The following ENTREP2 variants were observed in gnomAD, a reference collection of about 807,000 sequenced individuals.
ENTREP2 encodes the protein protein ENTREP2.
At chr15:29,460,928 T>C in the ENTREP2 span, among the ~76,000 whole-genome samples, 2 of 152,286 alleles carry the variant, frequency 1.3e-5, no homozygotes, top group African/African-American at 4.8e-5. Context: ...TGATTCAGCT[T>C]TACAGTTATC....
chr15:29,602,451 AG>A, the ENTREP2 span, among the ~76,000 whole-genome samples: 1 of 152,206 alleles, frequency 6.6e-6, no homozygotes, highest in African/African-American at 2.4e-5. Context: ...ACCTATGGTA[AG>A]GATATAATCA....
chr15:29,408,281 G>C, the ENTREP2 span, among the ~76,000 whole-genome samples: 1 of 152,134 alleles, frequency 6.6e-6, no homozygotes, highest in Admixed American at 6.5e-5. Context: ...ATGACATCCT[G>C]GGGAGCAGCA....
the ENTREP2 span, among the ~76,000 whole-genome samples, chr15:29,196,085 C>T: frequency 1.3e-5 from 2 of 151,806 alleles, no homozygotes; most frequent in Admixed American, 1.3e-4. Context: ...AAAATAAATC[C>T]CCATTTGTTC....
At chr15:29,622,471 G>A in the ENTREP2 span, among the ~76,000 whole-genome samples, 1 of 152,122 alleles carries the variant, frequency 6.6e-6, no homozygotes, top group Non-Finnish European at 1.5e-5. Flanking sequence ...GCCTCCCAAA[G>A]TGCTAAGATT....
chr15:29,376,002 A>G, the ENTREP2 span: 1 of 152,166 alleles, frequency 6.6e-6, no homozygotes, highest in Non-Finnish European at 1.5e-5. Context: ...GTAATATAAA[A>G]TGCAAACAAT....
chr15:29,655,405 G>A, the ENTREP2 span, among the ~76,000 whole-genome samples: 1 of 152,300 alleles, frequency 6.6e-6, no homozygotes, highest in East Asian at 1.9e-4. Flanking sequence ...ACTAGCAGAA[G>A]AGGATGTGCT....
the ENTREP2 span, among the ~76,000 whole-genome samples, chr15:29,600,174 C>A: frequency 6.6e-6 from 1 of 152,198 alleles, no homozygotes; most frequent in South Asian, 2.1e-4. Context: ...GTAATCTGAG[C>A]ATGCATGGCT....
chr15:29,145,487 G>A, the ENTREP2 span, among the ~76,000 whole-genome samples: 1 of 152,060 alleles, frequency 6.6e-6, no homozygotes, highest in East Asian at 1.9e-4. Flanking sequence ...GCCAGGTGTG[G>A]TGGCGGGCGC....
At chr15:29,410,073 C>T in the ENTREP2 span, among the ~76,000 whole-genome samples, 2 of 152,286 alleles carry the variant, frequency 1.3e-5, no homozygotes, top group East Asian at 1.9e-4. Flanking sequence ...GCAGATGCTG[C>T]GTGCCTGCCC....
the ENTREP2 span, among the ~76,000 whole-genome samples, chr15:29,128,383 C>CGCCCA: frequency 6.6e-6 from 1 of 152,250 alleles, no homozygotes; most frequent in African/African-American, 2.4e-5. Context: ...TCCTGCCAGC[C>CGCCCA]GCCCAGCCCA....
the ENTREP2 span, among the ~76,000 whole-genome samples, chr15:29,287,042 C>A: frequency 3.3e-5 from 5 of 152,198 alleles, no homozygotes; most frequent in African/African-American, 4.8e-5. Context: ...CAAGATGGCA[C>A]CAGCCCATTC....
chr15:29,662,871 C>A, the ENTREP2 span, among the ~76,000 whole-genome samples: 1 of 152,084 alleles, frequency 6.6e-6, no homozygotes. Context: ...CAGGCATGCA[C>A]CACCACGCCT....
chr15:29,625,129 AAAACC>A, the ENTREP2 span, among the ~76,000 whole-genome samples: 4 of 152,134 alleles, frequency 2.6e-5, no homozygotes, highest in African/African-American at 9.7e-5. Flanking sequence ...ATTTTTTAAA[AAAACC>A]ATTTCAAATT....
the ENTREP2 span, among the ~76,000 whole-genome samples, chr15:29,330,196 T>C: frequency 6.6e-6 from 1 of 151,546 alleles, no homozygotes; most frequent in Non-Finnish European, 1.5e-5. Context: ...CCCAGCACTT[T>C]GGGAGGCCAA....
At chr15:29,135,624 C>T in the ENTREP2 span, among the ~76,000 whole-genome samples, 1 of 152,190 alleles carries the variant, frequency 6.6e-6, no homozygotes, top group African/African-American at 2.4e-5. The surrounding 1 kb of genome is among the most constrained non-coding windows in gnomAD (Gnocchi z 7.4). Flanking sequence ...CGGACAACAT[C>T]CCATTTCGTC....
chr15:29,597,832 T>C, the ENTREP2 span, among the ~76,000 whole-genome samples: 1 of 151,786 alleles, frequency 6.6e-6, no homozygotes, highest in African/African-American at 2.4e-5. Flanking sequence ...ATAGTAAGAC[T>C]ATGTTTAGGC....
the ENTREP2 span, among the ~76,000 whole-genome samples, chr15:29,422,438 A>G: frequency 6.6e-6 from 1 of 152,124 alleles, no homozygotes; most frequent in Non-Finnish European, 1.5e-5. Flanking sequence ...TGAATTACAG[A>G]GCAGAAAGAA....
At chr15:29,223,922 G>A in the ENTREP2 span, among the ~76,000 whole-genome samples, 1 of 152,152 alleles carries the variant, frequency 6.6e-6, no homozygotes, top group African/African-American at 2.4e-5. Context: ...TCTGAAGCTT[G>A]CCCGCCCCCA....
the ENTREP2 span, among the ~76,000 whole-genome samples, chr15:29,557,132 C>A: frequency 6.6e-6 from 1 of 151,988 alleles, no homozygotes; most frequent in African/African-American, 2.4e-5. Flanking sequence ...TCTAGAACAG[C>A]CCCTCACCAG....
Sources: allele counts gnomAD v4.1 joint callset (sites outside exome capture counted in the v4.1 genomes callset), GRCh38; gene constraint gnomAD v4.1.1; non-coding constraint Gnocchi (gnomAD v3.1); transcripts MANE v1.5; gene names NCBI Gene and HGNC (gene_info 2026-07-23, HGNC 2026-07-21).